The following SRGAP3 variants were observed in gnomAD, a reference collection of about 807,000 sequenced individuals.
The protein encoded by SRGAP3 is SLIT-ROBO Rho GTPase-activating protein 3.
Under a neutral mutation model 121.1 loss-of-function variants are expected in SRGAP3, and 39 were observed. That is an observed-to-expected ratio of 0.32 (90% CI 0.25 to 0.42). The LOEUF is 0.42. Ranked by LOEUF, SRGAP3 falls within the 10% of genes least tolerant of loss-of-function variation. The pLI is 1.00. For missense variants in SRGAP3, 1,213 were observed against 1,470.6 expected, an observed-to-expected ratio of 0.82 and a Z score of 2.86; for synonymous variants, 601 against 570.0, an observed-to-expected ratio of 1.05 and a Z score of -0.77.
At chr3:9,305,640 A>G (rs770941133) in intron 3 of SRGAP3, among the ~76,000 whole-genome samples, 3 of 151,718 alleles carry the variant, frequency 2.0e-5, no homozygotes, top group Non-Finnish European at 2.9e-5. Context: ...ATTCCCACCT[A>G]TAAGTGAGAA....
rs181525625 is a variant in SRGAP3 at position 8,987,209 on chromosome 3, C to T, written c.2887-1277G>A. On this transcript the variant is annotated intron_variant, in intron 21 of 21. Coordinates refer to ENST00000383836, the MANE Select transcript of SRGAP3 (RefSeq NM_014850.4). Reference sequence around the variant, plus strand: ...TTTCAAAATCCTTCTAGCCCAAGAGCCCCATGGGTTCCCATGACTGTTGAC... The same window carrying T: ...TTTCAAAATCCTTCTAGCCCAAGAGTCCCATGGGTTCCCATGACTGTTGAC... Among the ~76,000 whole-genome samples the T allele has an allele frequency of 7.2e-5, 11 of 152,324 alleles. No homozygotes were observed. The East Asian group carries it at 1.9e-3, about 27-fold the overall frequency.
At chr3:9,034,244 A>G (rs1170461806) in intron 11 of SRGAP3, 1 of 152,266 alleles carries the variant, frequency 6.6e-6, no homozygotes, top group Non-Finnish European at 1.5e-5. Context: ...CCTAACCAAG[A>G]GAGGCAGTTC....
At position 9,176,119 on chromosome 3, in the gene SRGAP3, G is replaced by A. The variant is rs140345682; in HGVS notation, c.68-51202C>T. ...GTATTTTTAGTAGAGATAGGGTTTC[G>A]TTATGTTGGCCAGGCTGGTCTCAAA... On this transcript the variant is annotated intron_variant, in intron 1 of 21. Transcript: ENST00000383836. Among the ~76,000 whole-genome samples the A allele has an allele frequency of 2.4e-3, 364 of 152,154 alleles. 1 individual carries two copies. Among genetic ancestry groups the A allele is most frequent in the Non-Finnish European group, 4.2e-3 (286 of 68,016 alleles).
At position 8,992,711 on chromosome 3, in the gene SRGAP3, A is replaced by C. The variant is rs911240633; in HGVS notation, c.2558+195T>G. 3 of 816,798 alleles carry C rather than the reference A, an allele frequency of 3.7e-6. No individual in the cohort carries two copies. In the Admixed American group the frequency reaches 6.3e-5, roughly 17 times the overall value. The allele number at this position is 816,798 out of a possible 1,614,324, so 50.6% of individuals were successfully genotyped here. A position where few individuals can be genotyped will look rare whatever the true frequency, so the allele number is the denominator to read the frequency against. On this transcript the variant is annotated intron_variant, in intron 20 of 21. Transcript: ENST00000383836. ...TGTCTTTCCTCCTCCTCCTCCCTGCAACACAGGCTGGATGGTTCTATACCT... is the reference window on the plus strand; with the variant it reads ...TGTCTTTCCTCCTCCTCCTCCCTGCCACACAGGCTGGATGGTTCTATACCT...
At chr3:9,092,054 C>T (rs1947780096) in intron 3 of SRGAP3, among the ~76,000 whole-genome samples, 1 of 152,142 alleles carries the variant, frequency 6.6e-6, no homozygotes, top group Non-Finnish European at 1.5e-5. Context: ...TGGTGAGCCT[C>T]ACTCATGCAC....
At chr3:8,987,829 G>A (rs1431306181) in intron 21 of SRGAP3, among the ~76,000 whole-genome samples, 1 of 152,110 alleles carries the variant, frequency 6.6e-6, no homozygotes, top group Non-Finnish European at 1.5e-5. Context: ...CCCCATCTCT[G>A]CCATGTGCCA....
At chr3:9,040,007 T>C (rs1944944006) in intron 10 of SRGAP3, among the ~76,000 whole-genome samples, 1 of 152,236 alleles carries the variant, frequency 6.6e-6, no homozygotes, top group South Asian at 2.1e-4. Flanking sequence ...TCCCCTCTTC[T>C]TTAAGCCAGA....
intron 1 of SRGAP3, among the ~76,000 whole-genome samples, chr3:9,213,777 C>A (rs575012259): frequency 6.6e-6 from 1 of 152,334 alleles, no homozygotes; most frequent in Admixed American, 6.5e-5. Flanking sequence ...ACATTCTCTG[C>A]CTCGTTCTCA....
chr3:9,058,494 A>G (rs1945947249), intron 6 of SRGAP3, 22 bp from the exon 7 acceptor site: 3 of 1,612,000 alleles, frequency 1.9e-6, no homozygotes, highest in Non-Finnish European at 8.5e-7. Flanking sequence ...GCAACAACGG[A>G]AGGTTATGGG....
At chr3:9,311,276 C>T (rs920009484) in intron 3 of SRGAP3, among the ~76,000 whole-genome samples, 4 of 151,976 alleles carry the variant, frequency 2.6e-5, no homozygotes, top group Non-Finnish European at 4.4e-5. Flanking sequence ...AAGATAATCG[C>T]GAAGAGGCAA....
At chr3:9,000,827 C>T (rs1942714899) in intron 18 of SRGAP3, among the ~76,000 whole-genome samples, 1 of 152,168 alleles carries the variant, frequency 6.6e-6, no homozygotes, top group Admixed American at 6.5e-5. Flanking sequence ...TAGCAATCAT[C>T]CAGCAATTAG....
At chr3:9,173,253 C>G (rs1180161359) in intron 1 of SRGAP3, among the ~76,000 whole-genome samples, 8 of 152,298 alleles carry the variant, frequency 5.3e-5, no homozygotes, top group African/African-American at 1.4e-4. Flanking sequence ...TGTGCACCAC[C>G]CACATAAGCA....
chr3:9,131,820 T>C (rs1949460057), intron 1 of SRGAP3, among the ~76,000 whole-genome samples: 1 of 151,856 alleles, frequency 6.6e-6, no homozygotes, highest in Non-Finnish European at 1.5e-5. Context: ...TTCTCCATGG[T>C]TCCCCATTGC....
intron 3 of SRGAP3, among the ~76,000 whole-genome samples, chr3:9,325,846 C>T (rs1371696307): frequency 6.6e-6 from 1 of 151,888 alleles, no homozygotes; most frequent in African/African-American, 2.4e-5. Flanking sequence ...ACATAATAGA[C>T]CCCTTTTTCA....
At position 8,985,742 on chromosome 3, in the gene SRGAP3, C is replaced by A; in HGVS notation, c.3077G>T (p.Arg1026Leu). ...IVIRDPDAAM[R>L]RSSSSSTEMM... ...CTCGGTGGAGGAGCTGCTGCTGCGG[C>A]GCATGGCGGCATCGGGGTCGCGGAT... Residue 1026 changes from arginine to leucine, a missense_variant, in exon 22 of 22, where the codon CGC (arginine) becomes CTC (leucine). By Grantham distance (102) the Arg-to-Leu change is moderately radical (BLOSUM62 -2). This residue lies in a region of SRGAP3 where 420 missense variants were observed against 437.7 expected (regional missense o/e 0.96). Transcript: ENST00000383836. This position sits in a 1 kb window ranked among gnomAD's most constrained non-coding sequence, Gnocchi z 5.1. 11 of 1,597,574 alleles carry A rather than the reference C, an allele frequency of 6.9e-6. No individual in the cohort carries two copies. The highest frequency in any genetic ancestry group is 9.3e-6 in the Non-Finnish European group (11 of 1,179,230).
Position 8,990,569 on chromosome 3 carries a change from G to T in SRGAP3, c.2829C>A (p.Ser943=). 6.3e-7 allele frequency: 1 copy of T among 1,586,688 alleles called. No homozygotes were observed. The highest frequency in any genetic ancestry group is 2.3e-5 in the East Asian group (1 of 43,554). Residue 943 remains serine, a synonymous_variant, in exon 21 of 22, where the codon TCC becomes TCA. Transcript: ENST00000383836. Reference sequence around the variant, plus strand: ...GGTCCCCTAGGCTGCTGTGCCTGGTGGAACCGCAGGTCGACCTCATCGAGT... The same window carrying T: ...GGTCCCCTAGGCTGCTGTGCCTGGTTGAACCGCAGGTCGACCTCATCGAGT... The part of the protein sequence containing the change: ...EGHSMRSTCG[S]TRHSSLGDHK...
intron 18 of SRGAP3, among the ~76,000 whole-genome samples, chr3:9,002,770 A>G (rs1942842839): frequency 6.6e-6 from 1 of 152,154 alleles, no homozygotes; most frequent in Non-Finnish European, 1.5e-5. Flanking sequence ...TACTACCATT[A>G]TTTTACAGGA....
At chr3:9,173,019 G>A (rs1270795920) in intron 1 of SRGAP3, among the ~76,000 whole-genome samples, 3 of 152,184 alleles carry the variant, frequency 2.0e-5, no homozygotes, top group African/African-American at 7.2e-5. Flanking sequence ...GAGAGGTGGT[G>A]GGGCATGGCT....
Position 9,019,678 on chromosome 3 carries a change from C to T in SRGAP3, c.1679-3947G>A, listed in dbSNP as rs912519640. Among the ~76,000 whole-genome samples, 7 of 152,334 alleles carry T rather than the reference C, an allele frequency of 4.6e-5. 1 individual carries two copies. Among genetic ancestry groups the T allele is most frequent in the African/African-American group, 1.2e-4 (5 of 41,576 alleles). Reference sequence around the variant, plus strand: ...AAGTGAATACATGTCACTGCCAGAGCCTCCCTAGCCCCAACATGCTTCAGT... The same window carrying T: ...AAGTGAATACATGTCACTGCCAGAGTCTCCCTAGCCCCAACATGCTTCAGT... On this transcript the variant is annotated intron_variant, in intron 14 of 21. Transcript: ENST00000383836.
Sources: allele counts gnomAD v4.1 joint callset (sites outside exome capture counted in the v4.1 genomes callset), GRCh38; gene constraint gnomAD v4.1.1; regional missense constraint gnomAD v4.1.1; non-coding constraint Gnocchi (gnomAD v3.1); transcripts MANE v1.5; gene names NCBI Gene and HGNC (gene_info 2026-07-23, HGNC 2026-07-21).